Variants in MCPH1 observed in about 807,000 individuals in gnomAD.
MCPH1 encodes microcephalin 1, also known as microcephalin.
In MCPH1, 104 loss-of-function variants were observed where a neutral mutation model predicts 84.5. The ratio of observed to expected loss-of-function variants is 1.23; its 90% CI spans 1.05 to 1.45. The LOEUF (loss-of-function observed/expected upper bound fraction) is 1.45, where lower values mean the gene tolerates loss of function less well. Ranked by LOEUF, MCPH1 falls within the 40% of genes most tolerant of loss-of-function variation. The probability of loss-of-function intolerance (pLI) is 0.00; values close to 1 mark genes in which losing one functional copy is unlikely to be tolerated. For missense variants in MCPH1, 1,498 were observed against 1,005.7 expected (o/e 1.49, Z -6.62); for synonymous variants, 514 against 366.8 (o/e 1.40, Z -4.58).
In MCPH1 at chr8:6,480,823, C is replaced by A; in HGVS notation, c.2083C>A (p.Leu695Met). Reference sequence around the variant, plus strand: ...GCTTTCCGGGAAGCCACTTCGCACCCTGAATGTGCTGCTGGGAATTGCGCG... The same window carrying A: ...GCTTTCCGGGAAGCCACTTCGCACCATGAATGTGCTGCTGGGAATTGCGCG... The part of the protein sequence containing the change: ...HVLSGKPLRT[L>M]NVLLGIARGC... The change falls in exon 11 of 14, where the codon CTG becomes ATG. Residue 695 changes from leucine to methionine, a missense_variant. By Grantham distance (15) the Leu-to-Met change is conservative. Coordinates refer to ENST00000344683, the MANE Select transcript of MCPH1 (RefSeq NM_024596.5). 2 of 1,614,216 alleles carry A rather than the reference C, an allele frequency of 1.2e-6. No homozygotes were observed. Among genetic ancestry groups the A allele is most frequent in the South Asian group, 2.2e-5 (2 of 91,088 alleles).
At chr8:6,503,029 C>G (rs1268911996) in intron 12 of MCPH1, 1 of 1,571,050 alleles carries the variant, frequency 6.4e-7, no homozygotes, top group Non-Finnish European at 8.7e-7. Context: ...AGTGCGCAGC[C>G]GTGACTTTCA....
At position 6,497,661 on chromosome 8, in the gene MCPH1, C is replaced by A. The variant is rs1425000572; in HGVS notation, c.2137-2191C>A. On this transcript the variant is annotated intron_variant, in intron 11 of 13. Coordinates refer to ENST00000344683, the MANE Select transcript of MCPH1 (RefSeq NM_024596.5). ...TGTGTGAACACGGGATGACTGGGTA[C>A]AACACATGTAGCACTCCAGTGGGAG... 2.0e-5 allele frequency among the ~76,000 whole-genome samples: 3 copies of A among 152,190 alleles called. No individual in the cohort carries two copies. The South Asian group carries it at 6.2e-4, about 32-fold the overall frequency.
intron 11 of MCPH1, among the ~76,000 whole-genome samples, chr8:6,482,008 G>A (rs563227715): frequency 6.6e-6 from 1 of 152,324 alleles, no homozygotes; most frequent in East Asian, 1.9e-4. Flanking sequence ...TTCTCCCTGG[G>A]ATGTGAATCG....
At chr8:6,596,767 G>A (rs1293404521) in intron 12 of MCPH1, among the ~76,000 whole-genome samples, 3 of 152,158 alleles carry the variant, frequency 2.0e-5, no homozygotes, top group South Asian at 2.1e-4. Context: ...CCAGATCAAC[G>A]CGAGAATAAA....
At position 6,617,617 on chromosome 8, in the gene MCPH1, A is replaced by ATG. The variant is rs752045579; in HGVS notation, c.2215-3823_2215-3822dup. On this transcript the variant is annotated intron_variant, in intron 12 of 13. Transcript: ENST00000344683. ...GCACTCCTGTTTCTGGGGTGTGTGC[A>ATG]TGTGTGTGTGTGTGTAAAGGTTTGC... Among the ~76,000 whole-genome samples, 795 of 151,136 alleles carry ATG rather than the reference A, an allele frequency of 5.3e-3. 11 individuals carry two copies. Among genetic ancestry groups the ATG allele is most frequent in the African/African-American group, 0.018 (731 of 41,148 alleles).
At chr8:6,518,689 A>G (rs1461970153) in intron 12 of MCPH1, among the ~76,000 whole-genome samples, 1 of 152,212 alleles carries the variant, frequency 6.6e-6, no homozygotes, top group Non-Finnish European at 1.5e-5. Context: ...AAGAGCCTCG[A>G]AAATTTCCAC....
chr8:6,436,435 A>G (rs988830483), intron 5 of MCPH1, among the ~76,000 whole-genome samples: 1 of 152,216 alleles, frequency 6.6e-6, no homozygotes, highest in Non-Finnish European at 1.5e-5. Context: ...AAGAAAAGCA[A>G]ACTTTGGCTA....
At chr8:6,406,980 C>T in intron 1 of MCPH1, 3 of 475,392 alleles carry the variant, frequency 6.3e-6, no homozygotes, top group Non-Finnish European at 1.1e-5. Context: ...CTCCCCCGTA[C>T]TGCTTGTGCC....
intron 12 of MCPH1, among the ~76,000 whole-genome samples, chr8:6,579,435 C>G (rs889860092): frequency 6.6e-6 from 1 of 152,174 alleles, no homozygotes; most frequent in African/African-American, 2.4e-5. Context: ...ACTATATGTC[C>G]TTGTGTTGGC....
At position 6,426,560 on chromosome 8, in the gene MCPH1, A is replaced by G. The variant is rs142015331; in HGVS notation, c.234-4939A>G. On this transcript the variant is annotated intron_variant, in intron 3 of 13. Coordinates refer to ENST00000344683, the MANE Select transcript of MCPH1 (RefSeq NM_024596.5). The stretch of plus-strand genomic sequence containing the variant: ...AGCTGAGTAGTATTCTATTGTAGGC[A>G]TGTAGCTTGGTGCCACCAGTTGATG... Among the ~76,000 whole-genome samples, 75 of 152,354 alleles carry G rather than the reference A, an allele frequency of 4.9e-4. No homozygotes were observed. In the East Asian group the frequency reaches 0.012, roughly 25 times the overall value.
chr8:6,468,858 A>G (rs1194801189), intron 9 of MCPH1, among the ~76,000 whole-genome samples: 1 of 152,126 alleles, frequency 6.6e-6, no homozygotes, highest in Non-Finnish European at 1.5e-5. Flanking sequence ...GAAAAAATAT[A>G]TAAGGAAGGA....
intron 3 of MCPH1, among the ~76,000 whole-genome samples, chr8:6,418,615 G>C (rs150936335): frequency 6.6e-6 from 1 of 151,794 alleles, no homozygotes; most frequent in African/African-American, 2.4e-5. Flanking sequence ...ACGGAGTCTC[G>C]CTCTGTCGCC....
At chr8:6,422,243 G>A (rs1001271368) in intron 3 of MCPH1, among the ~76,000 whole-genome samples, 1 of 152,188 alleles carries the variant, frequency 6.6e-6, no homozygotes, top group Non-Finnish European at 1.5e-5. Flanking sequence ...CATAGTAGAT[G>A]CTCAGTAAAT....
chr8:6,605,675 C>G (rs1829709287), intron 12 of MCPH1, among the ~76,000 whole-genome samples: 1 of 151,468 alleles, frequency 6.6e-6, no homozygotes, highest in Admixed American at 6.6e-5. Flanking sequence ...TTTTTAAGTT[C>G]TGTGAATCAC....
At chr8:6,535,759 A>G (rs929993804) in intron 12 of MCPH1, among the ~76,000 whole-genome samples, 3 of 152,164 alleles carry the variant, frequency 2.0e-5, no homozygotes, top group Non-Finnish European at 4.4e-5. Context: ...ATTTAAAAAG[A>G]TATTTGAGCC....
At chr8:6,458,754 C>G (rs1805965506) in intron 9 of MCPH1, among the ~76,000 whole-genome samples, 1 of 152,056 alleles carries the variant, frequency 6.6e-6, no homozygotes, top group Admixed American at 6.5e-5. Context: ...AAGCGATTCT[C>G]CTGCCCCAGC....
At chr8:6,462,328 TC>T (rs1806380643) in intron 9 of MCPH1, among the ~76,000 whole-genome samples, 1 of 152,226 alleles carries the variant, frequency 6.6e-6, no homozygotes, top group Non-Finnish European at 1.5e-5. Flanking sequence ...ATCCTGTTAG[TC>T]TCTTAATACT....
Position 6,455,129 on chromosome 8 carries a change from C to A in MCPH1, c.1826-14C>A. 6.2e-7 allele frequency: 1 copy of A among 1,601,264 alleles called. No homozygotes were observed. Among genetic ancestry groups the A allele is most frequent in the African/African-American group, 1.3e-5 (1 of 74,614 alleles). On this transcript the variant is annotated splice_polypyrimidine_tract_variant and intron_variant, in intron 8 of 13. Coordinates refer to ENST00000344683, the MANE Select transcript of MCPH1 (RefSeq NM_024596.5). ...GTAAAGTTCTAACTAATTTTTAATCCCCTTGGGTTTTAGGTGTTAAAAATA... is the reference window on the plus strand; with the variant it reads ...GTAAAGTTCTAACTAATTTTTAATCACCTTGGGTTTTAGGTGTTAAAAATA...
rs187671886 is a variant in MCPH1 at position 6,557,406 on chromosome 8, C to T, written c.2214+57477C>T. On this transcript the variant is annotated intron_variant, in intron 12 of 13. Transcript: ENST00000344683. ...GTGCTTTAAGGTGACTCAGAGCCACCCTGTTGCGATTGCTGCCTTCGTGAT... is the reference window on the plus strand; with the variant it reads ...GTGCTTTAAGGTGACTCAGAGCCACTCTGTTGCGATTGCTGCCTTCGTGAT... Among the ~76,000 whole-genome samples the T allele has an allele frequency of 2.5e-4, 38 of 152,134 alleles. No homozygotes were observed. The East Asian group carries it at 7.1e-3, about 29-fold the overall frequency.
Sources: gnomAD v4.1 joint callset for allele counts (sites outside exome capture counted in the v4.1 genomes callset) on GRCh38, gnomAD v4.1.1 for gene constraint, MANE v1.5 for transcripts, NCBI Gene and HGNC (gene_info 2026-07-23, HGNC 2026-07-21) for gene names.